Variants in RYR3 observed in about 807,000 individuals in gnomAD.
The protein encoded by RYR3 is ryanodine receptor 3.
In RYR3, 207 loss-of-function variants were observed where a neutral mutation model predicts 584.3. That is an observed-to-expected ratio of 0.35 (90% CI 0.32 to 0.40). The LOEUF (loss-of-function observed/expected upper bound fraction) is 0.40. Among genes scored for constraint, RYR3 ranks in the 10% least tolerant of loss-of-function variants. RYR3 has a pLI of 1.00. For synonymous variants in RYR3, 2,416 were observed against 2,248.5 expected, an observed-to-expected ratio of 1.07 and a Z score of -2.11; for missense variants, 5,616 against 6,089.2, an observed-to-expected ratio of 0.92 and a Z score of 2.59.
intron 43 of RYR3, among the ~76,000 whole-genome samples, chr15:33,721,950 C>A (rs968848305): frequency 6.6e-6 from 1 of 152,192 alleles, no homozygotes; most frequent in African/African-American, 2.4e-5. Context: ...GAATACAATT[C>A]TCTAACCTCT....
chr15:33,605,385 G>A (rs78767716), intron 18 of RYR3, among the ~76,000 whole-genome samples: 2,600 of 152,268 alleles, frequency 0.017, 31 homozygotes, highest in Non-Finnish European at 0.026. Context: ...TCCTCTGAAG[G>A]CAAGGAAGCT....
At chr15:33,488,619 A>G (rs551779753) in intron 2 of RYR3, among the ~76,000 whole-genome samples, 22 of 152,214 alleles carry the variant, frequency 1.4e-4, no homozygotes, top group East Asian at 9.7e-4. Flanking sequence ...TTGGGAGGAC[A>G]AGGCGGGCAG....
At chr15:33,335,484 C>T (rs1333212202) in intron 1 of RYR3, among the ~76,000 whole-genome samples, 1 of 152,002 alleles carries the variant, frequency 6.6e-6, no homozygotes, top group Non-Finnish European at 1.5e-5. Context: ...ATGATGAGAA[C>T]ACATGGACAC....
Position 33,663,557 on chromosome 15 carries a change from T to C in RYR3, c.5439T>C (p.Tyr1813=), listed in dbSNP as rs1440702083. The change falls in exon 36 of 104, where the codon TAT becomes TAC. Residue 1813 remains tyrosine, a synonymous_variant. Coordinates refer to ENST00000634891, the MANE Select transcript of RYR3 (RefSeq NM_001036.6). ...VKLQMCELLS[Y]LCDCELQHRV... is the part of the protein sequence containing the mutation. ...TGCAGATGTGTGAGCTCCTCAGCTA[T>C]CTCTGCGACTGTGAGCTGCAGCACC... 6.2e-7 allele frequency: 1 copy of C among 1,613,850 alleles called. No individual in the cohort carries two copies. Among genetic ancestry groups the C allele is most frequent in the Admixed American group, 1.7e-5 (1 of 60,020 alleles).
At chr15:33,666,027 CAG>C (rs1453444533) in intron 36 of RYR3, among the ~76,000 whole-genome samples, 3 of 151,990 alleles carry the variant, frequency 2.0e-5, no homozygotes, top group African/African-American at 7.2e-5. Context: ...TTTTTTGTGA[CAG>C]AGTCTCACTC....
intron 2 of RYR3, among the ~76,000 whole-genome samples, chr15:33,491,056 A>C (rs892569159): frequency 6.6e-6 from 1 of 152,154 alleles, no homozygotes; most frequent in South Asian, 2.1e-4. Flanking sequence ...ACTGCCAACA[A>C]TTCTTATGCA....
At chr15:33,492,379 C>T (rs2051035816) in intron 2 of RYR3, among the ~76,000 whole-genome samples, 2 of 151,222 alleles carry the variant, frequency 1.3e-5, no homozygotes, top group Admixed American at 6.6e-5. Context: ...TTTCCACAAA[C>T]ATTTTTGAAT....
chr15:33,574,314 G>C (rs554095415), intron 12 of RYR3, among the ~76,000 whole-genome samples: 1 of 152,258 alleles, frequency 6.6e-6, no homozygotes, highest in African/African-American at 2.4e-5. Context: ...CAAAACGTAA[G>C]CCCTGGAACT....
At chr15:33,389,336 T>C (rs935419411) in intron 1 of RYR3, among the ~76,000 whole-genome samples, 2 of 152,128 alleles carry the variant, frequency 1.3e-5, no homozygotes, top group African/African-American at 4.8e-5. Context: ...CTAAAATCAA[T>C]ACATTAAGAA....
intron 27 of RYR3, among the ~76,000 whole-genome samples, chr15:33,640,587 ACTT>A (rs1395286448): frequency 6.6e-6 from 1 of 152,130 alleles, no homozygotes; most frequent in African/African-American, 2.4e-5. Context: ...GAGAGAGCTG[ACTT>A]CTTTGCAATC....
chr15:33,751,845 A>G (rs552793866), intron 57 of RYR3, among the ~76,000 whole-genome samples: 1 of 152,222 alleles, frequency 6.6e-6, no homozygotes, highest in African/African-American at 2.4e-5. Flanking sequence ...GTTTTCTTCT[A>G]GGGCTTTTAT....
rs77416834 is a variant in RYR3 at position 33,364,154 on chromosome 15, A to C, written c.51+53058A>C. On this transcript the variant is annotated intron_variant, in intron 1 of 103. Coordinates refer to ENST00000634891, the MANE Select transcript of RYR3 (RefSeq NM_001036.6). ...ATCTTGGATATATTGTGCTAAGTAA[A>C]ATGTTTTTAAAATTTACTTCACCTG... 5.5e-3 allele frequency among the ~76,000 whole-genome samples: 844 copies of C among 152,288 alleles called. 7 individuals carry two copies. The highest frequency in any genetic ancestry group is 0.019 in the African/African-American group (799 of 41,554).
At chr15:33,499,327 T>G (rs58008036) in intron 2 of RYR3, among the ~76,000 whole-genome samples, 20,524 of 151,486 alleles carry the variant, frequency 0.14, 1,922 homozygotes, top group African/African-American at 0.26. Flanking sequence ...CTGCCACTCT[T>G]TCTTCCCCTC....
chr15:33,805,199 A>G (rs1275357929), intron 69 of RYR3, among the ~76,000 whole-genome samples: 2 of 152,206 alleles, frequency 1.3e-5, no homozygotes, highest in African/African-American at 4.8e-5. Context: ...ATGGTAAGTT[A>G]GAATGTGTTC....
chr15:33,788,497 T>C, intron 67 of RYR3, 39 bp downstream of exon 67: 1 of 1,601,926 alleles, frequency 6.2e-7, no homozygotes, highest in African/African-American at 1.3e-5. Flanking sequence ...TGCCCCTCTG[T>C]GGGGCTAGTT....
intron 74 of RYR3, among the ~76,000 whole-genome samples, chr15:33,814,369 A>G (rs1208218111): frequency 1.3e-5 from 2 of 152,256 alleles, no homozygotes; most frequent in Admixed American, 6.5e-5. Flanking sequence ...TTATCAAATC[A>G]GTAGGAATAT....
At chr15:33,620,920 G>A (rs1368798904) in intron 19 of RYR3, among the ~76,000 whole-genome samples, 1 of 152,202 alleles carries the variant, frequency 6.6e-6, no homozygotes, top group Non-Finnish European at 1.5e-5. Flanking sequence ...AGCACTGCAC[G>A]ATGATGTTTA....
chr15:33,831,226 C>A, intron 86 of RYR3, 135 bp downstream of exon 86: 1 of 806,926 alleles, frequency 1.2e-6, no homozygotes, highest in Non-Finnish European at 1.8e-6. Context: ...TTTTTATTTT[C>A]TCTAAATAGG....
chr15:33,863,306 G>T (rs1271603172), intron 102 of RYR3, among the ~76,000 whole-genome samples: 1 of 152,200 alleles, frequency 6.6e-6, no homozygotes, highest in Non-Finnish European at 1.5e-5. Flanking sequence ...GTCTTTCTCA[G>T]TAAATGAGAA....
Sources: gnomAD v4.1 joint callset for allele counts (sites outside exome capture counted in the v4.1 genomes callset) on GRCh38, gnomAD v4.1.1 for gene constraint, MANE v1.5 for transcripts, NCBI Gene and HGNC (gene_info 2026-07-23, HGNC 2026-07-21) for gene names.